Variants in KCNU1 observed in about 807,000 individuals in gnomAD.
The protein encoded by KCNU1 is potassium calcium-activated channel subfamily U member 1.
A neutral mutation model predicts 126.8 loss-of-function variants in KCNU1; 93 were observed. The ratio of observed to expected loss-of-function variants is 0.73; its 90% confidence interval spans 0.62 to 0.87. KCNU1 has a LOEUF of 0.87. Ranked by LOEUF, KCNU1 falls within the 40% of genes least tolerant of loss-of-function variation. KCNU1 has a pLI of 0.00. For missense variants in KCNU1, 1,330 were observed against 1,367.1 expected (o/e 0.97, Z 0.43); for synonymous variants, 523 against 494.2 (o/e 1.06, Z -0.77).
In KCNU1 at chr8:36,935,890, G is replaced by A; in HGVS notation, c.3420G>A (p.Glu1140=). Reference sequence around the variant, plus strand: ...AAACTTCAGATGAGGTTTATGATGAGGATCCCTTTGCATATTCAGAGCCAC... The same window carrying A: ...AAACTTCAGATGAGGTTTATGATGAAGATCCCTTTGCATATTCAGAGCCAC... ...ERKTSDEVYD[E]DPFAYSEPL Residue 1140 remains glutamate (E), a synonymous_variant, in exon 27 of 27, where the codon GAG becomes GAA. Transcript: ENST00000399881. 1.2e-6 allele frequency: 2 copies of A among 1,603,936 alleles called. No homozygotes were observed. Among genetic ancestry groups the A allele is most frequent in the Non-Finnish European group, 1.7e-6 (2 of 1,175,136 alleles).
At chr8:36,880,706 T>C (rs919702070) in intron 19 of KCNU1, among the ~76,000 whole-genome samples, 1 of 152,176 alleles carries the variant, frequency 6.6e-6, no homozygotes, top group Non-Finnish European at 1.5e-5. Context: ...GAGGTGGCTG[T>C]ATCTGGCACC....
chr8:36,868,956 C>G (rs1014996676), intron 19 of KCNU1, among the ~76,000 whole-genome samples: 4 of 152,218 alleles, frequency 2.6e-5, no homozygotes, highest in Non-Finnish European at 5.9e-5. Context: ...AATTTCTTTA[C>G]CTTGGCCATT....
chr8:36,905,398 T>C (rs1807582704), intron 19 of KCNU1, among the ~76,000 whole-genome samples: 1 of 150,832 alleles, frequency 6.6e-6, no homozygotes, highest in African/African-American at 2.4e-5. Context: ...TGGATAACAG[T>C]ATCATACAGT....
At chr8:36,888,415 A>C (rs1018911600) in intron 19 of KCNU1, 12 of 387,086 alleles carry the variant, frequency 3.1e-5, no homozygotes, top group South Asian at 2.0e-4. Context: ...CTCTGGCTGC[A>C]CCGTGCTCTG....
intron 19 of KCNU1, among the ~76,000 whole-genome samples, chr8:36,883,743 A>G (rs1211124327): frequency 6.6e-6 from 1 of 152,160 alleles, no homozygotes; most frequent in Non-Finnish European, 1.5e-5. Context: ...GTGAGCTGAG[A>G]TGATGTCACT....
chr8:36,794,133 A>G (rs1292540877), intron 2 of KCNU1, among the ~76,000 whole-genome samples: 2 of 151,944 alleles, frequency 1.3e-5, no homozygotes, highest in Admixed American at 6.6e-5. Context: ...AATGAAAGCA[A>G]GTCACAGGTC....
At chr8:36,877,559 T>A (rs1806321025) in intron 19 of KCNU1, among the ~76,000 whole-genome samples, 1 of 152,114 alleles carries the variant, frequency 6.6e-6, no homozygotes, top group Non-Finnish European at 1.5e-5. Context: ...TGCCTCGGCC[T>A]CCCAAAGTGC....
chr8:36,832,839 T>C (rs1025421812), intron 10 of KCNU1, among the ~76,000 whole-genome samples: 1 of 152,130 alleles, frequency 6.6e-6, no homozygotes, highest in Non-Finnish European at 1.5e-5. Context: ...TTGCTGTATC[T>C]CAAAGCATAT....
intron 16 of KCNU1, 35 bp downstream of exon 16, chr8:36,841,038 T>G (rs940921964): frequency 4.4e-6 from 5 of 1,136,748 alleles, no homozygotes; most frequent in African/African-American, 3.3e-5. Context: ...TCAGTTGTTT[T>G]TTTTTTTTTT....
At chr8:36,837,588 A>C (rs1269865703) in intron 14 of KCNU1, among the ~76,000 whole-genome samples, 3 of 152,194 alleles carry the variant, frequency 2.0e-5, no homozygotes, top group African/African-American at 7.2e-5. Context: ...TCTGGTCCAC[A>C]GTGTTGTTAC....
At position 36,806,354 on chromosome 8, in the gene KCNU1, C is replaced by T; in HGVS notation, c.554C>T (p.Ser185Phe). 1 of 1,605,770 alleles carries T rather than the reference C, an allele frequency of 6.2e-7. No individual in the cohort carries two copies. The highest frequency in any genetic ancestry group is 8.5e-7 in the Non-Finnish European group (1 of 1,175,106). ...DIFTIPPTFI[S>F]YYLKSNWLGL... Reference sequence around the variant, plus strand: ...TTTACCATCCCACCAACCTTTATTTCTTATTATTTGAAGAGCAATTGGCTA... The same window carrying T: ...TTTACCATCCCACCAACCTTTATTTTTTATTATTTGAAGAGCAATTGGCTA... Residue 185 changes from serine to phenylalanine, a missense_variant, in exon 5 of 27, where the codon TCT (serine) becomes TTT (phenylalanine). Physicochemically the swap from Ser to Phe is radical, Grantham distance 155. Coordinates refer to ENST00000399881, the MANE Select transcript of KCNU1 (RefSeq NM_001031836.3).
intron 7 of KCNU1, among the ~76,000 whole-genome samples, chr8:36,812,529 G>C (rs775542485): frequency 6.6e-5 from 10 of 152,186 alleles, no homozygotes; most frequent in Non-Finnish European, 1.3e-4. Flanking sequence ...GGACAGGTAA[G>C]GGGAGAAGAT....
intron 2 of KCNU1, among the ~76,000 whole-genome samples, chr8:36,800,661 C>A: frequency 6.6e-6 from 1 of 152,186 alleles, no homozygotes; most frequent in South Asian, 2.1e-4. Flanking sequence ...GCCAGCTCTT[C>A]CAGATTTTGC....
chr8:36,904,319 A>T (rs1807537802), intron 19 of KCNU1, among the ~76,000 whole-genome samples: 1 of 152,132 alleles, frequency 6.6e-6, no homozygotes, highest in African/African-American at 2.4e-5. Flanking sequence ...AGACCCTGAG[A>T]ACTTCACCTG....
intron 13 of KCNU1, 47 bp from the exon 14 acceptor site, chr8:36,836,746 A>G: frequency 6.5e-7 from 1 of 1,546,682 alleles, no homozygotes; most frequent in Non-Finnish European, 8.9e-7. Context: ...AGCTTTCTTG[A>G]GGTGTGTTTA....
At chr8:36,879,211 G>GTATATATATATATATATATATATA (rs34121138) in intron 19 of KCNU1, among the ~76,000 whole-genome samples, 2 of 101,752 alleles carry the variant, frequency 2.0e-5, no homozygotes, top group South Asian at 3.5e-4. Context: ...GTGTGTGTGT[G>GTATATATATATATATATATATATA]TATATATATA....
chr8:36,841,070 T>G (rs1252115482), intron 16 of KCNU1, 67 bp downstream of exon 16: 23 of 1,078,382 alleles, frequency 2.1e-5, no homozygotes, highest in Non-Finnish European at 3.2e-5. Context: ...GGAGATTCTT[T>G]GTGATTAAGA....
chr8:36,898,588 A>C (rs1322689378), intron 19 of KCNU1, among the ~76,000 whole-genome samples: 1 of 151,944 alleles, frequency 6.6e-6, no homozygotes, highest in Non-Finnish European at 1.5e-5. Context: ...GAAAAAAAAA[A>C]TAGTCTTGTG....
At chr8:36,804,123 A>G (rs1214416837) in intron 3 of KCNU1, 35 bp downstream of exon 3, 11 of 1,391,742 alleles carry the variant, frequency 7.9e-6, no homozygotes, top group Non-Finnish European at 8.0e-6. Flanking sequence ...TGTCTGCTAT[A>G]TCAGTACATT....
Sources: gnomAD v4.1 joint callset for allele counts (sites outside exome capture counted in the v4.1 genomes callset) on GRCh38, gnomAD v4.1.1 for gene constraint, MANE v1.5 for transcripts, NCBI Gene and HGNC (gene_info 2026-07-23, HGNC 2026-07-21) for gene names.